CERKL: variants seen among roughly 807,000 people sequenced by gnomAD.
CERKL encodes ceramide kinase-like protein.
In CERKL, 61 loss-of-function variants were observed where a neutral mutation model predicts 63.4. The observed-to-expected ratio is 0.96, with a 90% CI of 0.78 to 1.19. CERKL has a LOEUF of 1.19. Among genes scored for constraint, CERKL ranks in the 50% most tolerant of loss-of-function variants. The probability of loss-of-function intolerance (pLI) is 0.00; values close to 1 mark genes in which losing one functional copy is unlikely to be tolerated. For synonymous variants in CERKL, 250 were observed against 230.5 expected (o/e 1.08, Z -0.77); for missense variants, 675 against 655.5 (o/e 1.03, Z -0.33).
intron 1 of CERKL, among the ~76,000 whole-genome samples, chr2:181,604,491 A>G (rs1685595373): frequency 6.6e-6 from 1 of 152,238 alleles, no homozygotes; most frequent in Non-Finnish European, 1.5e-5. Context: ...GTCAAGAATT[A>G]GATTAAAAAT....
chr2:181,641,805 T>C (rs940710043), intron 1 of CERKL, among the ~76,000 whole-genome samples: 12 of 152,204 alleles, frequency 7.9e-5, no homozygotes, highest in African/African-American at 2.7e-4. Flanking sequence ...ACACTAGCCA[T>C]GTTTCTGTTC....
At chr2:181,624,930 T>A (rs955365481) in intron 1 of CERKL, among the ~76,000 whole-genome samples, 7 of 152,120 alleles carry the variant, frequency 4.6e-5, no homozygotes, top group African/African-American at 1.7e-4. Flanking sequence ...AGTAGAAGAT[T>A]TATAAAACTG....
At chr2:181,640,809 C>T (rs758096252) in intron 1 of CERKL, among the ~76,000 whole-genome samples, 57 of 152,338 alleles carry the variant, frequency 3.7e-4, no homozygotes, top group Middle Eastern at 6.8e-3. Flanking sequence ...ATTGCCCTCT[C>T]TGGTTTAATG....
intron 2 of CERKL, among the ~76,000 whole-genome samples, chr2:181,590,631 A>G (rs763117146): frequency 6.6e-6 from 1 of 152,210 alleles, no homozygotes; most frequent in Non-Finnish European, 1.5e-5. Context: ...TAATATGAAG[A>G]TAATTCACAA....
At chr2:181,651,322 A>G (rs938774110) in intron 1 of CERKL, among the ~76,000 whole-genome samples, 4 of 152,232 alleles carry the variant, frequency 2.6e-5, no homozygotes, top group African/African-American at 9.6e-5. Context: ...ATAACTTGCT[A>G]CATTCAAGTG....
At chr2:181,654,510 T>C (rs1688071916) in intron 1 of CERKL, among the ~76,000 whole-genome samples, 2 of 152,154 alleles carry the variant, frequency 1.3e-5, no homozygotes, top group African/African-American at 4.8e-5. Flanking sequence ...CTTGAAAACA[T>C]ACGTATGTTC....
At chr2:181,546,320 G>A (rs1687725660) in intron 10 of CERKL, among the ~76,000 whole-genome samples, 1 of 152,150 alleles carries the variant, frequency 6.6e-6, no homozygotes, top group Admixed American at 6.6e-5. Context: ...TAAACAAACA[G>A]GGTTAGATAA....
chr2:181,538,960 G>A (rs1403352326), intron 12 of CERKL, 132 bp downstream of exon 12: 1 of 713,100 alleles, frequency 1.4e-6, no homozygotes, highest in African/African-American at 1.8e-5. Context: ...GTCTCTTTAT[G>A]CTTCCCTGAT....
intron 1 of CERKL, among the ~76,000 whole-genome samples, chr2:181,634,853 C>G (rs1260284763): frequency 6.6e-6 from 1 of 152,140 alleles, no homozygotes; most frequent in African/African-American, 2.4e-5. Flanking sequence ...CAACACATAA[C>G]TTAGTAGTGT....
intron 2 of CERKL, among the ~76,000 whole-genome samples, chr2:181,599,844 A>G (rs1685383781): frequency 1.3e-5 from 2 of 152,192 alleles, no homozygotes; most frequent in Non-Finnish European, 2.9e-5. Context: ...CAGATACAAG[A>G]AATTCAGAAA....
At chr2:181,649,161 A>T (rs1687794346) in intron 1 of CERKL, among the ~76,000 whole-genome samples, 1 of 152,218 alleles carries the variant, frequency 6.6e-6, no homozygotes, top group South Asian at 2.1e-4. Flanking sequence ...GCTGCCTAAA[A>T]GAGGCTTACC....
At chr2:181,638,681 C>T (rs995061260) in intron 1 of CERKL, among the ~76,000 whole-genome samples, 3 of 152,206 alleles carry the variant, frequency 2.0e-5, no homozygotes, top group Admixed American at 2.0e-4. Context: ...CCCTCAAGCT[C>T]CACCTCAACT....
intron 4 of CERKL, among the ~76,000 whole-genome samples, chr2:181,563,043 T>C (rs1688513545): frequency 1.3e-5 from 2 of 152,192 alleles, no homozygotes. Context: ...TACAATTGCA[T>C]AAAATCTATA....
At chr2:181,553,689 A>G (rs1688085578) in intron 5 of CERKL, among the ~76,000 whole-genome samples, 1 of 152,222 alleles carries the variant, frequency 6.6e-6, no homozygotes, top group Admixed American at 6.5e-5. Context: ...GATAACAGAC[A>G]TGACTAGAAG....
intron 1 of CERKL, among the ~76,000 whole-genome samples, chr2:181,648,416 C>T (rs1425064615): frequency 2.6e-5 from 4 of 151,554 alleles, no homozygotes; most frequent in African/African-American, 4.9e-5. Flanking sequence ...CAAAAAAAAA[C>T]GAGTCTCGGC....
At chr2:181,602,148 T>C (rs1294669097) in intron 2 of CERKL, among the ~76,000 whole-genome samples, 1 of 152,234 alleles carries the variant, frequency 6.6e-6, no homozygotes, top group Non-Finnish European at 1.5e-5. Context: ...TTTGTTGTGA[T>C]GTCCTCTGCT....
At chr2:181,582,658 C>T (rs1684573619) in intron 2 of CERKL, among the ~76,000 whole-genome samples, 6 of 151,786 alleles carry the variant, frequency 4.0e-5, no homozygotes, top group Admixed American at 1.3e-4. Context: ...GCCTCAGCCT[C>T]CCAAGTAGCT....
At chr2:181,633,857 C>T (rs1687067476) in intron 1 of CERKL, among the ~76,000 whole-genome samples, 1 of 152,082 alleles carries the variant, frequency 6.6e-6, no homozygotes, top group Non-Finnish European at 1.5e-5. Flanking sequence ...TTCACACACG[C>T]ATCAAAGAAA....
At chr2:181,556,309 T>A (rs185240669) in intron 5 of CERKL, among the ~76,000 whole-genome samples, 1 of 152,018 alleles carries the variant, frequency 6.6e-6, no homozygotes, top group Non-Finnish European at 1.5e-5. Flanking sequence ...TTGTTACATA[T>A]GTATACATGT....
Sources: allele counts gnomAD v4.1 joint callset (sites outside exome capture counted in the v4.1 genomes callset), GRCh38; gene constraint gnomAD v4.1.1; transcripts MANE v1.5; gene names NCBI Gene and HGNC (gene_info 2026-07-23, HGNC 2026-07-21).